The following WWOX variants were observed in gnomAD, a reference collection of about 807,000 sequenced individuals.
WWOX encodes the protein WW domain-containing oxidoreductase.
A neutral mutation model predicts 46.2 loss-of-function variants in WWOX; 69 were observed. That is an observed-to-expected ratio of 1.49 (90% confidence interval 1.23 to 1.82). WWOX has a LOEUF of 1.82. Ranked by LOEUF, WWOX falls within the 40% of genes most tolerant of loss-of-function variation. The pLI is 0.00. For synonymous variants in WWOX, 359 were observed against 202.6 expected, an observed-to-expected ratio of 1.77 and a Z score of -6.56; for missense variants, 919 against 542.6, an observed-to-expected ratio of 1.69 and a Z score of -6.89.
chr16:78,632,248 G>A (rs1471846211), intron 8 of WWOX, among the ~76,000 whole-genome samples: 1 of 152,138 alleles, frequency 6.6e-6, no homozygotes, highest in South Asian at 2.1e-4. Flanking sequence ...AATACTACTA[G>A]TATTTGCTTC....
chr16:78,212,873 C>T (rs910924998), intron 5 of WWOX, among the ~76,000 whole-genome samples: 13 of 152,100 alleles, frequency 8.5e-5, no homozygotes, highest in African/African-American at 2.2e-4. Context: ...GTAACAAACA[C>T]GCCCGGATCT....
chr16:78,966,160 G>T (rs1002267037), intron 8 of WWOX, among the ~76,000 whole-genome samples: 1 of 152,152 alleles, frequency 6.6e-6, no homozygotes, highest in Non-Finnish European at 1.5e-5. Context: ...TAAATCCCAT[G>T]ATATAATTTA....
At chr16:78,466,230 A>G (rs988532875) in intron 8 of WWOX, among the ~76,000 whole-genome samples, 4 of 151,892 alleles carry the variant, frequency 2.6e-5, no homozygotes, top group African/African-American at 9.7e-5. Flanking sequence ...ACGGGGTTTC[A>G]TCGTGTTACC....
intron 8 of WWOX, among the ~76,000 whole-genome samples, chr16:79,122,533 A>G (rs372128844): frequency 8.3e-5 from 11 of 133,128 alleles, no homozygotes; most frequent in African/African-American, 2.3e-4. Context: ...CCTTCTCTCT[A>G]TCCTTCCTTT....
intron 8 of WWOX, among the ~76,000 whole-genome samples, chr16:78,884,683 G>T (rs542609915): frequency 2.6e-5 from 4 of 152,194 alleles, no homozygotes; most frequent in Non-Finnish European, 5.9e-5. Context: ...ATGGATGGGA[G>T]CATGAAGTGT....
chr16:79,058,894 C>T (rs916044505), intron 8 of WWOX, among the ~76,000 whole-genome samples: 5 of 152,192 alleles, frequency 3.3e-5, no homozygotes, highest in East Asian at 1.9e-4. Flanking sequence ...GAAGGACTTA[C>T]TCCTCTCCGT....
chr16:78,522,795 G>T (rs1597208322), intron 8 of WWOX, among the ~76,000 whole-genome samples: 1 of 152,234 alleles, frequency 6.6e-6, no homozygotes, highest in African/African-American at 2.4e-5. Context: ...CAGTGGGCCA[G>T]GCGCAGTGGC....
intron 8 of WWOX, among the ~76,000 whole-genome samples, chr16:79,117,135 C>T (rs74988905): frequency 1.5e-3 from 223 of 152,198 alleles, no homozygotes; most frequent in African/African-American, 5.2e-3. Context: ...CTCCAGCCTT[C>T]CCAGTAGCTG....
chr16:78,740,316 G>A (rs894914730), intron 8 of WWOX, among the ~76,000 whole-genome samples: 2 of 152,116 alleles, frequency 1.3e-5, no homozygotes, highest in African/African-American at 2.4e-5. Context: ...ATTACCCGTC[G>A]GGGGGCTCCT....
chr16:78,825,986 C>T (rs2051643622), intron 8 of WWOX: 6 of 745,922 alleles, frequency 8.0e-6, no homozygotes, highest in Non-Finnish European at 1.3e-5. Context: ...TGCTATGCCC[C>T]AGCCAGTCCC....
At chr16:78,223,188 A>C (rs2036947633) in intron 5 of WWOX, among the ~76,000 whole-genome samples, 1 of 151,938 alleles carries the variant, frequency 6.6e-6, no homozygotes, top group East Asian at 1.9e-4. Context: ...ACCAAGGGTG[A>C]CTCTGCCCAT....
intron 5 of WWOX, among the ~76,000 whole-genome samples, chr16:78,249,509 G>A (rs987496077): frequency 2.0e-5 from 3 of 152,040 alleles, no homozygotes; most frequent in Non-Finnish European, 4.4e-5. Flanking sequence ...TTTTTAGTAC[G>A]TGGCTCTGAG....
chr16:78,108,948 A>G (rs968119057), intron 2 of WWOX, among the ~76,000 whole-genome samples: 1 of 152,206 alleles, frequency 6.6e-6, no homozygotes, highest in Admixed American at 6.5e-5. Flanking sequence ...AGATCACACC[A>G]CTGCGCTCCA....
chr16:79,026,993 G>T (rs1292058089), intron 8 of WWOX, among the ~76,000 whole-genome samples: 3 of 151,378 alleles, frequency 2.0e-5, no homozygotes, highest in Non-Finnish European at 4.4e-5. Flanking sequence ...AGTTAACACA[G>T]TGGAGTCCAG....
At position 78,771,138 on chromosome 16, in the gene WWOX, C is replaced by T. The variant is rs1398125533; in HGVS notation, c.1056+338386C>T. Among the ~76,000 whole-genome samples, 3 of 152,224 alleles carry T rather than the reference C, an allele frequency of 2.0e-5. No individual in the cohort carries two copies. In the East Asian group the frequency reaches 5.8e-4, roughly 29 times the overall value. The stretch of plus-strand genomic sequence containing the variant: ...TGAAGGGAAGAGAATTAGCATTTGG[C>T]CAGAGCACGCATTTTAAGGGATGGA... On this transcript the variant is annotated intron_variant, in intron 8 of 8. Coordinates refer to ENST00000566780, the MANE Select transcript of WWOX (RefSeq NM_016373.4).
intron 8 of WWOX, among the ~76,000 whole-genome samples, chr16:79,071,740 A>G (rs1233980704): frequency 6.6e-6 from 1 of 152,172 alleles, no homozygotes; most frequent in Admixed American, 6.5e-5. Flanking sequence ...GATTGCTTCA[A>G]GTAATTGATC....
chr16:78,956,717 T>G (rs930800393), intron 8 of WWOX, among the ~76,000 whole-genome samples: 1 of 152,172 alleles, frequency 6.6e-6, no homozygotes, highest in African/African-American at 2.4e-5. Flanking sequence ...TCCTTTTGTG[T>G]TTTTGAGTTT....
intron 8 of WWOX, among the ~76,000 whole-genome samples, chr16:79,196,025 G>A (rs1319070461): frequency 6.6e-6 from 1 of 152,146 alleles, no homozygotes; most frequent in Non-Finnish European, 1.5e-5. Context: ...TAGTACTGAC[G>A]CTTCTCATGC....
intron 8 of WWOX, among the ~76,000 whole-genome samples, chr16:78,642,907 G>A (rs1447186699): frequency 1.3e-5 from 2 of 152,084 alleles, no homozygotes; most frequent in Non-Finnish European, 2.9e-5. Flanking sequence ...CATCCTACTT[G>A]GTGTAAAATC....
Sources: allele counts gnomAD v4.1 joint callset (sites outside exome capture counted in the v4.1 genomes callset), GRCh38; gene constraint gnomAD v4.1.1; transcripts MANE v1.5; gene names NCBI Gene and HGNC (gene_info 2026-07-23, HGNC 2026-07-21).